Variants in SPPL3 observed in about 807,000 individuals in gnomAD.
SPPL3 encodes the protein signal peptide peptidase-like 3.
Under a neutral mutation model 42.4 loss-of-function variants are expected in SPPL3, and 5 were observed. The observed-to-expected ratio is 0.12, with a 90% CI of 0.06 to 0.25. SPPL3 has a LOEUF of 0.25. Among genes scored for constraint, SPPL3 ranks in the 10% least tolerant of loss-of-function variants. SPPL3 has a pLI of 1.00. For synonymous variants in SPPL3, 195 were observed against 181.8 expected (o/e 1.07, Z -0.58); for missense variants, 235 against 489.0 (o/e 0.48, Z 4.90).
intron 1 of SPPL3, among the ~76,000 whole-genome samples, chr12:120,818,552 A>T (rs1870953891): frequency 6.6e-6 from 1 of 152,214 alleles, no homozygotes; most frequent in Non-Finnish European, 1.5e-5. Context: ...TCCTGCTAAA[A>T]ATCATGCCAA....
intron 1 of SPPL3, among the ~76,000 whole-genome samples, chr12:120,869,198 G>A (rs1300725452): frequency 6.6e-6 from 1 of 152,172 alleles, no homozygotes; most frequent in Non-Finnish European, 1.5e-5. Flanking sequence ...AGCAACAAAT[G>A]CAGACTGAAT....
At chr12:120,870,107 G>C (rs1002687597) in intron 1 of SPPL3, among the ~76,000 whole-genome samples, 1 of 152,040 alleles carries the variant, frequency 6.6e-6, no homozygotes, top group African/African-American at 2.4e-5. Flanking sequence ...TGTCAACATG[G>C]AAAAAAGAAC....
intron 1 of SPPL3, among the ~76,000 whole-genome samples, chr12:120,836,079 C>A (rs1452489184): frequency 6.6e-6 from 1 of 152,072 alleles, no homozygotes; most frequent in Non-Finnish European, 1.5e-5. Context: ...CATGTGCCAT[C>A]ATTTCTGTAA....
intron 1 of SPPL3, among the ~76,000 whole-genome samples, chr12:120,824,351 T>C (rs976153984): frequency 7.9e-5 from 12 of 152,128 alleles, no homozygotes; most frequent in African/African-American, 2.7e-4. Flanking sequence ...GTGGAAACGT[T>C]AGCAAAAAAG....
chr12:120,768,770 G>C lies in SPPL3; in HGVS notation c.609+183C>G, dbSNP rs574639856. ...GAGTCACACACACACACTACCTACT[G>C]TACGACTTTTCAGCAAACAAAAGGA... On this transcript the variant is annotated intron_variant, in intron 7 of 10. Coordinates refer to ENST00000353487, the MANE Select transcript of SPPL3 (RefSeq NM_139015.5). 25 of 643,694 alleles carry C rather than the reference G, an allele frequency of 3.9e-5. 1 individual carries two copies. In the South Asian group the frequency reaches 4.7e-4, roughly 12 times the overall value. The allele number at this position is 643,694 out of a possible 1,614,324, so 39.9% of individuals were successfully genotyped here.
intron 1 of SPPL3, among the ~76,000 whole-genome samples, chr12:120,880,385 G>C (rs1308154489): frequency 6.6e-6 from 1 of 152,040 alleles, no homozygotes; most frequent in Non-Finnish European, 1.5e-5. Context: ...TGTGACACCA[G>C]AGAACACACA....
intron 6 of SPPL3, among the ~76,000 whole-genome samples, chr12:120,779,617 G>T (rs1869450990): frequency 6.6e-6 from 1 of 152,058 alleles, no homozygotes; most frequent in Admixed American, 6.6e-5. Flanking sequence ...GTGGGGCAGA[G>T]CAGTTAGATA....
At chr12:120,830,057 TTTAGTATCCCAGTG>T (rs1871349884) in intron 1 of SPPL3, among the ~76,000 whole-genome samples, 1 of 149,878 alleles carries the variant, frequency 6.7e-6, no homozygotes, top group Non-Finnish European at 1.5e-5. Flanking sequence ...AAAATCTGAC[TTTAGTATCCCAGTG>T]AAAAGACAGT....
At chr12:120,856,585 G>A (rs1239745368) in intron 1 of SPPL3, among the ~76,000 whole-genome samples, 1 of 137,370 alleles carries the variant, frequency 7.3e-6, no homozygotes, top group Admixed American at 8.2e-5. Context: ...TATGGGACAA[G>A]ATTCTGGAAC....
rs1555254341 is a variant in SPPL3, at chr12:120,884,808, GT to G, written c.23+19036del. On this transcript the variant is annotated intron_variant, in intron 1 of 10. Coordinates refer to ENST00000353487, the MANE Select transcript of SPPL3 (RefSeq NM_139015.5). ...GAGTTTTTTTGGGTTTTTTTTTTGG[GT>G]TTTTTTTTTTTTTTGGCTTTCAGAA... Among the ~76,000 whole-genome samples the G allele has an allele frequency of 4.6e-3, 627 of 137,464 alleles. 3 individuals carry two copies. Among genetic ancestry groups the G allele is most frequent in the African/African-American group, 0.013 (509 of 37,914 alleles). 90.2% of individuals were successfully genotyped at this position (137,464 alleles called of 152,430 possible). A position where few individuals can be genotyped will look rare whatever the true frequency, so the allele number is the denominator to read the frequency against.
At chr12:120,771,323 C>A (rs928624063) in intron 6 of SPPL3, among the ~76,000 whole-genome samples, 3 of 152,234 alleles carry the variant, frequency 2.0e-5, no homozygotes, top group East Asian at 1.9e-4. Context: ...CACTCTACCC[C>A]CCATGCCGCC....
intron 6 of SPPL3, among the ~76,000 whole-genome samples, chr12:120,772,011 C>T (rs1016013243): frequency 2.0e-5 from 3 of 152,176 alleles, no homozygotes; most frequent in Non-Finnish European, 4.4e-5. Flanking sequence ...TCCAACCAGT[C>T]AGTTGCTGCT....
chr12:120,814,813 C>T (rs1307879358), intron 1 of SPPL3, among the ~76,000 whole-genome samples: 1 of 152,116 alleles, frequency 6.6e-6, no homozygotes, highest in Admixed American at 6.5e-5. Flanking sequence ...CTCACCACTT[C>T]TTATGAAATA....
At chr12:120,900,923 CA>C (rs11432981) in intron 1 of SPPL3, among the ~76,000 whole-genome samples, 1,964 of 101,490 alleles carry the variant, frequency 0.019, 19 homozygotes, top group African/African-American at 0.052. Flanking sequence ...CCCTGTCTCA[CA>C]AAAAAAAAAA....
intron 1 of SPPL3, among the ~76,000 whole-genome samples, chr12:120,849,820 C>T (rs1872165609): frequency 6.6e-6 from 1 of 152,188 alleles, no homozygotes; most frequent in Non-Finnish European, 1.5e-5. Context: ...ATTCTCATGT[C>T]CTCAGGCCTT....
At chr12:120,771,794 C>G (rs564590042) in intron 6 of SPPL3, among the ~76,000 whole-genome samples, 15 of 152,278 alleles carry the variant, frequency 9.9e-5, no homozygotes, top group Non-Finnish European at 5.9e-5. Flanking sequence ...CCAGGGAGGG[C>G]ACTCTCCACT....
In SPPL3 at chr12:120,766,098, G is replaced by GCACACACA. The variant is rs750703823; in HGVS notation, c.1083+164_1083+165insTGTGTGTG. Among the ~76,000 whole-genome samples, 592 of 144,038 alleles carry GCACACACA rather than the reference G, an allele frequency of 4.1e-3. 6 individuals carry two copies. Among genetic ancestry groups the GCACACACA allele is most frequent in the East Asian group, 0.032 (151 of 4,756 alleles). The allele number at this position is 144,038 out of a possible 152,430, so 94.5% of individuals were successfully genotyped here. On this transcript the variant is annotated intron_variant, in intron 10 of 10. Transcript: ENST00000353487. Reference sequence around the variant, plus strand: ...TTGCTAACGCCAGGGTAGCGCGCGCGCGCACACACACACACACACACACAC... The same window carrying GCACACACA: ...TTGCTAACGCCAGGGTAGCGCGCGCGCACACACACGCACACACACACACACACACACAC...
chr12:120,768,269 C>G, intron 8 of SPPL3, 56 bp downstream of exon 8: 1 of 1,558,042 alleles, frequency 6.4e-7, no homozygotes, highest in South Asian at 1.2e-5. Flanking sequence ...TGATCAAGGC[C>G]GGGAACAGAT....
intron 1 of SPPL3, among the ~76,000 whole-genome samples, chr12:120,839,893 G>A (rs747690898): frequency 5.9e-5 from 9 of 151,912 alleles, no homozygotes; most frequent in African/African-American, 9.7e-5. Flanking sequence ...CAGTACTCAC[G>A]ATAACCCAAA....
Sources: allele counts gnomAD v4.1 joint callset (sites outside exome capture counted in the v4.1 genomes callset), GRCh38; gene constraint gnomAD v4.1.1; transcripts MANE v1.5; gene names NCBI Gene and HGNC (gene_info 2026-07-23, HGNC 2026-07-21).